SMYD3: variants seen among roughly 807,000 people sequenced by gnomAD.
SMYD3 encodes the protein histone-lysine N-methyltransferase SMYD3.
Under a neutral mutation model 57.7 loss-of-function variants are expected in SMYD3, and 36 were observed. The ratio of observed to expected loss-of-function variants is 0.62; its 90% CI spans 0.48 to 0.82. The LOEUF is 0.82. Among genes scored for constraint, SMYD3 ranks in the 40% least tolerant of loss-of-function variants. SMYD3 has a pLI of 0.00. For missense variants in SMYD3, 515 were observed against 538.8 expected (o/e 0.96, Z 0.44); for synonymous variants, 211 against 195.0 (o/e 1.08, Z -0.68).
intron 8 of SMYD3, among the ~76,000 whole-genome samples, chr1:245,897,767 C>G (rs12144459): frequency 0.65 from 98,716 of 151,800 alleles, 36,718 homozygotes; most frequent in Non-Finnish European, 0.84. Flanking sequence ...TGTGGTGGTG[C>G]GCGGCGCCTG....
chr1:246,367,727 C>T (rs1034824319), intron 1 of SMYD3, among the ~76,000 whole-genome samples: 1 of 152,008 alleles, frequency 6.6e-6, no homozygotes, highest in Non-Finnish European at 1.5e-5. Flanking sequence ...CCACCATGCC[C>T]AGCCAAAAAA....
chr1:246,032,249 T>C (rs970687608), intron 5 of SMYD3, among the ~76,000 whole-genome samples: 1 of 152,172 alleles, frequency 6.6e-6, no homozygotes, highest in African/African-American at 2.4e-5. Context: ...AATAACCCTG[T>C]AGATTACAGG....
intron 5 of SMYD3, among the ~76,000 whole-genome samples, chr1:245,943,617 C>G (rs72768775): frequency 1.3e-5 from 2 of 152,118 alleles, no homozygotes; most frequent in African/African-American, 4.8e-5. Flanking sequence ...AGGGACTCCT[C>G]GCTAACTTAT....
chr1:245,779,809 A>C (rs2046758536), intron 10 of SMYD3, among the ~76,000 whole-genome samples: 1 of 152,228 alleles, frequency 6.6e-6, no homozygotes, highest in South Asian at 2.1e-4. Context: ...ACTTTGGAAA[A>C]CATTTTGGCA....
chr1:245,790,613 C>G lies in SMYD3; in HGVS notation c.1077-26464G>C, dbSNP rs192659220. Among the ~76,000 whole-genome samples the G allele has an allele frequency of 1.2e-4, 18 of 152,296 alleles. No individual in the cohort carries two copies. In the East Asian group the frequency reaches 3.5e-3, roughly 29 times the overall value. On this transcript the variant is annotated intron_variant, in intron 10 of 11. Coordinates refer to ENST00000490107, the MANE Select transcript of SMYD3 (RefSeq NM_001167740.2). The stretch of plus-strand genomic sequence containing the variant: ...TCACAAGCACATAATTAGAGAAAGC[C>G]TCTTTTGGTCAGAGGGAGAGCCTCA...
chr1:246,383,005 G>C (rs1242067639), intron 1 of SMYD3, among the ~76,000 whole-genome samples: 2 of 151,826 alleles, frequency 1.3e-5, no homozygotes, highest in African/African-American at 4.8e-5. Context: ...TTCCCCCATG[G>C]ACCCGGGGTC....
At chr1:245,795,470 C>G (rs2047484299) in intron 10 of SMYD3, among the ~76,000 whole-genome samples, 1 of 152,218 alleles carries the variant, frequency 6.6e-6, no homozygotes, top group Non-Finnish European at 1.5e-5. Context: ...ATTTTGCCTC[C>G]TTTATCCGAG....
chr1:246,098,361 G>A (rs1057090396), intron 5 of SMYD3, among the ~76,000 whole-genome samples: 3 of 152,274 alleles, frequency 2.0e-5, no homozygotes, highest in Admixed American at 6.5e-5. Flanking sequence ...TCCAGCACAC[G>A]TTCGAAATCC....
intron 5 of SMYD3, chr1:245,930,815 GTAGATAAA>G (rs1221511388): frequency 6.6e-6 from 1 of 152,174 alleles, no homozygotes; most frequent in Non-Finnish European, 1.5e-5. Flanking sequence ...ACTGTCACAT[GTAGATAAA>G]TGCCAAGGAG....
At position 245,958,862 on chromosome 1, in the gene SMYD3, C is replaced by A. The variant is rs145269852; in HGVS notation, c.532-28925G>T. Among the ~76,000 whole-genome samples, 632 of 152,262 alleles carry A rather than the reference C, an allele frequency of 4.2e-3. 3 individuals carry two copies. Among genetic ancestry groups the A allele is most frequent in the African/African-American group, 0.014 (574 of 41,540 alleles). ...GCTATCTCATGAACCAGTATTTAAG[C>A]AGAGGCTAGATAATAACTTTCAGGA... On this transcript the variant is annotated intron_variant, in intron 5 of 11. Coordinates refer to ENST00000490107, the MANE Select transcript of SMYD3 (RefSeq NM_001167740.2).
chr1:246,007,786 C>T (rs1401813577), intron 5 of SMYD3, among the ~76,000 whole-genome samples: 1 of 150,800 alleles, frequency 6.6e-6, no homozygotes, highest in Admixed American at 6.6e-5. Context: ...CACTGCACTC[C>T]AGCCTGGGAA....
intron 1 of SMYD3, among the ~76,000 whole-genome samples, chr1:246,409,417 A>T (rs1289145427): frequency 1.3e-5 from 2 of 152,170 alleles, no homozygotes; most frequent in African/African-American, 4.8e-5. Context: ...TCCCAGCACC[A>T]TTTATTAAAT....
At chr1:245,812,437 G>A (rs144419033) in intron 10 of SMYD3, among the ~76,000 whole-genome samples, 3 of 152,274 alleles carry the variant, frequency 2.0e-5, no homozygotes, top group Non-Finnish European at 4.4e-5. Context: ...AAAGGAATGA[G>A]TGAACACCGT....
intron 5 of SMYD3, among the ~76,000 whole-genome samples, chr1:246,220,954 A>T (rs77961358): frequency 0.088 from 13,364 of 151,770 alleles, 1,042 homozygotes; most frequent in East Asian, 0.24. Context: ...GAGGGGAGCA[A>T]CCCACTCTGG....
intron 5 of SMYD3, among the ~76,000 whole-genome samples, chr1:246,238,791 T>C (rs1253012197): frequency 1.3e-5 from 2 of 152,188 alleles, no homozygotes; most frequent in East Asian, 3.8e-4. Flanking sequence ...AAAAATAGCT[T>C]ATATCCATGC....
chr1:245,963,474 C>T (rs189450356), intron 5 of SMYD3, among the ~76,000 whole-genome samples: 24 of 151,898 alleles, frequency 1.6e-4, no homozygotes, highest in Admixed American at 8.5e-4. Flanking sequence ...AACAACTCTT[C>T]GAGTTTAAAA....
intron 5 of SMYD3, among the ~76,000 whole-genome samples, chr1:246,174,635 T>C (rs1412630430): frequency 2.0e-5 from 3 of 152,090 alleles, no homozygotes; most frequent in Non-Finnish European, 2.9e-5. Context: ...TTAGTAGAGA[T>C]GGGGTTTCAC....
At chr1:246,071,885 CGCTGCATCGTG>C (rs2060454831) in intron 5 of SMYD3, among the ~76,000 whole-genome samples, 29 of 32,770 alleles carry the variant, frequency 8.8e-4, no homozygotes, top group South Asian at 2.6e-3. Context: ...TGCTCACTGT[CGCTGCATCGTG>C]TTAGTTCTGG....
intron 5 of SMYD3, among the ~76,000 whole-genome samples, chr1:246,246,961 A>G (rs1262344550): frequency 1.3e-5 from 2 of 152,206 alleles, no homozygotes; most frequent in African/African-American, 4.8e-5. Flanking sequence ...AATATTCAGC[A>G]TATTTCTTCG....
Sources: gnomAD v4.1 joint callset for allele counts (sites outside exome capture counted in the v4.1 genomes callset) on GRCh38, gnomAD v4.1.1 for gene constraint, MANE v1.5 for transcripts, NCBI Gene and HGNC (gene_info 2026-07-23, HGNC 2026-07-21) for gene names.